DLGAP2: variants seen among roughly 807,000 people sequenced by gnomAD.
DLGAP2 encodes the protein DLG associated protein 2.
DLGAP2 carries 26 observed loss-of-function variants against 100.3 expected under a neutral mutation model. The observed-to-expected ratio is 0.26, with a 90% CI of 0.19 to 0.36. DLGAP2 has a LOEUF of 0.36. Among genes scored for constraint, DLGAP2 ranks in the 10% least tolerant of loss-of-function variants. The pLI is 1.00. For synonymous variants in DLGAP2, 886 were observed against 630.1 expected (o/e 1.41, Z -6.08); for missense variants, 1,858 against 1,453.2 (o/e 1.28, Z -4.53).
chr8:1,068,253 G>T (rs1047613499), intron 2 of DLGAP2, among the ~76,000 whole-genome samples: 1 of 152,192 alleles, frequency 6.6e-6, no homozygotes, highest in Non-Finnish European at 1.5e-5. Context: ...GAATGAAGCT[G>T]CCATAAACAT....
At chr8:1,672,939 T>A (rs1294023413) in intron 10 of DLGAP2, among the ~76,000 whole-genome samples, 2 of 152,156 alleles carry the variant, frequency 1.3e-5, no homozygotes, top group Non-Finnish European at 2.9e-5. Flanking sequence ...GTATTACTAG[T>A]GAGCGGTTCC....
intron 3 of DLGAP2, among the ~76,000 whole-genome samples, chr8:1,390,298 G>A (rs149635825): frequency 7.3e-4 from 111 of 152,294 alleles, no homozygotes; most frequent in African/African-American, 2.4e-3. Context: ...CCTACACAAC[G>A]CTGTGGTGTG....
chr8:1,179,762 A>G (rs1007578383), intron 2 of DLGAP2, among the ~76,000 whole-genome samples: 2 of 152,220 alleles, frequency 1.3e-5, no homozygotes, highest in South Asian at 4.1e-4. Context: ...AAATGGGAGT[A>G]CAAAATTTTG....
At chr8:1,019,622 G>A (rs572834251) in intron 2 of DLGAP2, 1 of 135,806 alleles carries the variant, frequency 7.4e-6, no homozygotes, top group African/African-American at 2.5e-5. Context: ...GATCTCTGTG[G>A]GGACTGTGGC....
At chr8:1,469,015 A>C (rs1458788795) in intron 3 of DLGAP2, among the ~76,000 whole-genome samples, 10 of 152,196 alleles carry the variant, frequency 6.6e-5, no homozygotes, top group Admixed American at 6.5e-5. Flanking sequence ...CCAAGGTCAG[A>C]GTCACAGGCT....
At chr8:823,940 C>T (rs1796635940) in intron 1 of DLGAP2, among the ~76,000 whole-genome samples, 1 of 152,212 alleles carries the variant, frequency 6.6e-6, no homozygotes, top group African/African-American at 2.4e-5. Flanking sequence ...CGATGGAACC[C>T]CACTTAGCTT....
At chr8:896,900 T>C (rs1281744616) in intron 1 of DLGAP2, among the ~76,000 whole-genome samples, 2 of 152,058 alleles carry the variant, frequency 1.3e-5, no homozygotes, top group East Asian at 3.9e-4. Context: ...TTTTGAAGAG[T>C]CTTCATGGAT....
chr8:1,679,259 G>A (rs34255318), intron 12 of DLGAP2, among the ~76,000 whole-genome samples: 3,690 of 66,436 alleles, frequency 0.056, 110 homozygotes, highest in Middle Eastern at 0.14. Flanking sequence ...TTCCTCTACC[G>A]GAGTCACCAC....
intron 1 of DLGAP2, among the ~76,000 whole-genome samples, chr8:773,886 T>C (rs1821437940): frequency 6.6e-6 from 1 of 152,190 alleles, no homozygotes; most frequent in Admixed American, 6.5e-5. Context: ...CTGGGTCAAA[T>C]GGTATTTCTA....
At chr8:995,151 G>GA (rs933412851) in intron 2 of DLGAP2, among the ~76,000 whole-genome samples, 57 of 152,098 alleles carry the variant, frequency 3.7e-4, no homozygotes, top group African/African-American at 1.0e-3. Flanking sequence ...GGGTAATATT[G>GA]AAAAAATCAC....
At chr8:1,094,152 C>A (rs1160616156) in intron 2 of DLGAP2, among the ~76,000 whole-genome samples, 3 of 152,104 alleles carry the variant, frequency 2.0e-5, no homozygotes, top group Non-Finnish European at 4.4e-5. Context: ...CTTCTTGATG[C>A]CAGGGCCCAT....
intron 2 of DLGAP2, among the ~76,000 whole-genome samples, chr8:1,217,381 A>T (rs940226022): frequency 7.9e-5 from 12 of 152,084 alleles, no homozygotes; most frequent in African/African-American, 2.9e-4. Flanking sequence ...TGTTGATTCC[A>T]TGTCTTTGCT....
Position 973,792 on chromosome 8 carries a change from C to T in DLGAP2, c.73+65826C>T, listed in dbSNP as rs534744832. Among the ~76,000 whole-genome samples, 254 of 151,748 alleles carry T rather than the reference C, an allele frequency of 1.7e-3. 2 individuals are homozygous for T. Among genetic ancestry groups the T allele is most frequent in the African/African-American group, 6.0e-3 (249 of 41,390 alleles). ...CGGCTGAGCGGAGGCGAATCCGGAG[C>T]GCGAATCCGGGGCTCGGGCCCGTGG... On this transcript the variant is annotated intron_variant, in intron 2 of 14. Transcript: ENST00000637795.
intron 2 of DLGAP2, among the ~76,000 whole-genome samples, chr8:1,186,331 T>A (rs1301046092): frequency 6.6e-6 from 1 of 152,166 alleles, no homozygotes; most frequent in Non-Finnish European, 1.5e-5. Context: ...TAAAATTATT[T>A]CCTCCTTATT....
chr8:1,224,110 A>G (rs886971710), intron 2 of DLGAP2, among the ~76,000 whole-genome samples: 13 of 152,230 alleles, frequency 8.5e-5, no homozygotes, highest in Admixed American at 8.5e-4. Flanking sequence ...AATTTAAACC[A>G]CATGGATGAT....
rs1178745701 is a variant in DLGAP2 at position 1,707,586 on chromosome 8, C to T, written c.*6180C>T. 6.6e-6 allele frequency: 1 copy of T among 152,126 alleles called. No homozygotes were observed. Among genetic ancestry groups the T allele is most frequent in the Non-Finnish European group, 1.5e-5 (1 of 68,040 alleles). The allele number at this position is 152,126 out of a possible 1,614,324, so 9.4% of individuals were successfully genotyped here. A position where few individuals can be genotyped will look rare whatever the true frequency, so the allele number is the denominator to read the frequency against. The stretch of plus-strand genomic sequence containing the variant: ...TAGGCTACTTTCGAACGCTTCCTTC[C>T]GAACGGTAAGCCACTTCGCTCTCGG... On this transcript the variant is annotated 3_prime_UTR_variant, in exon 15 of 15. Coordinates refer to ENST00000637795, the MANE Select transcript of DLGAP2 (RefSeq NM_001346810.2).
At chr8:1,465,799 C>A (rs1233812146) in intron 3 of DLGAP2, among the ~76,000 whole-genome samples, 2 of 152,212 alleles carry the variant, frequency 1.3e-5, no homozygotes, top group Non-Finnish European at 2.9e-5. Context: ...CCCGGCCCCT[C>A]TGTGCCGCGT....
chr8:1,260,501 T>G (rs11781355), intron 3 of DLGAP2, among the ~76,000 whole-genome samples: 55,964 of 152,112 alleles, frequency 0.37, 11,064 homozygotes, highest in Middle Eastern at 0.55. Flanking sequence ...AAAAGAAGAG[T>G]TTTTTCCCAG....
At chr8:1,632,525 TA>T (rs1797672189) in intron 7 of DLGAP2, among the ~76,000 whole-genome samples, 1 of 152,210 alleles carries the variant, frequency 6.6e-6, no homozygotes, top group Non-Finnish European at 1.5e-5. Context: ...GCTAATCTTT[TA>T]AAAGTTCTAT....
Sources: allele counts gnomAD v4.1 joint callset (sites outside exome capture counted in the v4.1 genomes callset), GRCh38; gene constraint gnomAD v4.1.1; transcripts MANE v1.5; gene names NCBI Gene and HGNC (gene_info 2026-07-23, HGNC 2026-07-21).